Variants in C8orf34 observed in about 807,000 individuals in gnomAD.
C8orf34 encodes chromosome 8 open reading frame 34, also known as uncharacterized protein C8orf34.
C8orf34 carries 65 observed loss-of-function variants against 68.3 expected under a neutral mutation model. The observed-to-expected ratio is 0.95, with a 90% confidence interval of 0.78 to 1.17. C8orf34 has a LOEUF of 1.17. C8orf34 is among the 50% of genes most tolerant of loss of function. The pLI, the probability that C8orf34 is intolerant of heterozygous loss-of-function variation, is 0.00. For missense variants in C8orf34, 664 were observed against 655.4 expected (o/e 1.01, Z -0.14); for synonymous variants, 244 against 241.2 (o/e 1.01, Z -0.11).
In C8orf34 at chr8:68,704,526, C is replaced by A. The variant is rs187661171; in HGVS notation, c.1242-4468C>A. ...AGACTCAAATGACTTACGAAGGAAG[C>A]CATAACTCATCTTGTAGGTAATGAG... On this transcript the variant is annotated intron_variant, in intron 8 of 13. Transcript: ENST00000518698. 1.3e-3 allele frequency among the ~76,000 whole-genome samples: 192 copies of A among 152,120 alleles called. 2 individuals are homozygous for A. The highest frequency in any genetic ancestry group is 4.5e-3 in the African/African-American group (186 of 41,498).
intron 10 of C8orf34, among the ~76,000 whole-genome samples, chr8:68,755,746 C>T (rs1208828842): frequency 9.9e-5 from 15 of 152,100 alleles, no homozygotes; most frequent in Non-Finnish European, 2.2e-4. Context: ...ACTTCGTGTA[C>T]AAATATATTT....
intron 12 of C8orf34, among the ~76,000 whole-genome samples, chr8:68,808,043 G>C: frequency 6.6e-6 from 1 of 152,136 alleles, no homozygotes; most frequent in East Asian, 1.9e-4. Flanking sequence ...AGCCTCTCAG[G>C]AGTCTCTCTG....
At position 68,573,453 on chromosome 8, in the gene C8orf34, T is replaced by C. The variant is rs564200038; in HGVS notation, c.1105+40304T>C. On this transcript the variant is annotated intron_variant, in intron 7 of 13. Transcript: ENST00000518698. ...TCCAGTCTGCAGCTTAGAGCCAGGC[T>C]CCCAGCTATGCCCAACTGAGATCAG... Among the ~76,000 whole-genome samples, 3 of 152,268 alleles carry C rather than the reference T, an allele frequency of 2.0e-5. No individual in the cohort carries two copies. The East Asian group carries it at 5.8e-4, about 29-fold the overall frequency.
At position 68,525,418 on chromosome 8, in the gene C8orf34, T is replaced by C. The variant is rs539102975; in HGVS notation, c.938+3447T>C. On this transcript the variant is annotated intron_variant, in intron 6 of 13. Coordinates refer to ENST00000518698, the MANE Select transcript of C8orf34 (RefSeq NM_052958.4). ...CACAAAAATTATACCTCATAACTTA[T>C]AAATTTCTTAATTTCTTTTTTAGTA... The C allele has an allele frequency of 9.8e-6, 4 of 406,436 alleles. No homozygotes were observed. In the South Asian group the frequency reaches 1.7e-4, roughly 18 times the overall value. The allele number at this position is 406,436 out of a possible 1,614,324, so 25.2% of individuals were successfully genotyped here. A position where few individuals can be genotyped will look rare whatever the true frequency, so the allele number is the denominator to read the frequency against.
chr8:68,673,712 A>T (rs977171767), intron 8 of C8orf34, among the ~76,000 whole-genome samples: 7 of 151,834 alleles, frequency 4.6e-5, no homozygotes, highest in African/African-American at 1.5e-4. Flanking sequence ...GTAACTCATC[A>T]CCCTAAAGGG....
intron 5 of C8orf34, among the ~76,000 whole-genome samples, chr8:68,489,795 A>G (rs1813233598): frequency 6.6e-6 from 1 of 152,232 alleles, no homozygotes; most frequent in Non-Finnish European, 1.5e-5. Context: ...TTATTTTTAC[A>G]AAAACCACAA....
At chr8:68,381,105 CTTCAGTG>C (rs1808011485) in intron 1 of C8orf34, among the ~76,000 whole-genome samples, 1 of 152,118 alleles carries the variant, frequency 6.6e-6, no homozygotes, top group African/African-American at 2.4e-5. Flanking sequence ...TGAAGGAATA[CTTCAGTG>C]TTCAGTATTT....
chr8:68,818,406 G>T lies in C8orf34; in HGVS notation c.*160G>T. The T allele has an allele frequency of 1.3e-6, 1 of 766,374 alleles. No homozygotes were observed. The highest frequency in any genetic ancestry group is 2.1e-6 in the Non-Finnish European group (1 of 470,210). The allele number at this position is 766,374 out of a possible 1,614,324, so 47.5% of individuals were successfully genotyped here. ...ACTATCGTAGCCAGGGGGTGCCCAA[G>T]TATGTAATCAGAGAACACTAATCCT... On this transcript the variant is annotated 3_prime_UTR_variant, in exon 14 of 14. Coordinates refer to ENST00000518698, the MANE Select transcript of C8orf34 (RefSeq NM_052958.4).
chr8:68,749,447 A>G (rs184096241), intron 10 of C8orf34, among the ~76,000 whole-genome samples: 457 of 152,248 alleles, frequency 3.0e-3, no homozygotes, highest in Admixed American at 6.8e-3. Flanking sequence ...GCACAAAATA[A>G]AAGCAAATAA....
intron 3 of C8orf34, chr8:68,447,879 T>A (rs1402951965): frequency 6.6e-6 from 1 of 152,216 alleles, no homozygotes; most frequent in African/African-American, 2.4e-5. Flanking sequence ...GTCCCAACAT[T>A]TTAAAAAATA....
chr8:68,406,655 C>A (rs1422703494), intron 1 of C8orf34, among the ~76,000 whole-genome samples: 1 of 151,828 alleles, frequency 6.6e-6, no homozygotes, highest in Non-Finnish European at 1.5e-5. Context: ...GCCACCACAC[C>A]CAGGTAATTT....
At chr8:68,375,754 TAGTC>T (rs1454744525) in intron 1 of C8orf34, among the ~76,000 whole-genome samples, 1 of 152,226 alleles carries the variant, frequency 6.6e-6, no homozygotes, top group Non-Finnish European at 1.5e-5. Context: ...CTCTAGCAAT[TAGTC>T]AGCATTTATT....
chr8:68,810,766 C>T (rs1824626618), intron 12 of C8orf34, among the ~76,000 whole-genome samples: 1 of 152,190 alleles, frequency 6.6e-6, no homozygotes, highest in South Asian at 2.1e-4. Context: ...CAGCTCTCGC[C>T]TGAGAGGAGA....
chr8:68,400,708 G>A (rs1469848828), intron 1 of C8orf34, among the ~76,000 whole-genome samples: 1 of 152,054 alleles, frequency 6.6e-6, no homozygotes, highest in Non-Finnish European at 1.5e-5. Flanking sequence ...CTACAAGTGT[G>A]CACCACCATG....
intron 5 of C8orf34, among the ~76,000 whole-genome samples, chr8:68,499,582 C>T (rs769834463): frequency 9.2e-5 from 14 of 152,026 alleles, no homozygotes; most frequent in African/African-American, 2.2e-4. Flanking sequence ...AATTGGCAAC[C>T]GTCATAGTAG....
chr8:68,620,040 T>G (rs1279943659), intron 7 of C8orf34, among the ~76,000 whole-genome samples: 1 of 152,150 alleles, frequency 6.6e-6, no homozygotes, highest in African/African-American at 2.4e-5. Flanking sequence ...TCAGACTGAT[T>G]GATGGAAAAT....
chr8:68,330,939 T>G, upstream of C8orf34: 1 of 1,184,346 alleles, frequency 8.4e-7, no homozygotes, highest in Non-Finnish European at 1.1e-6. Context: ...AAGGAACCTC[T>G]GCCTCGAATT....
intron 7 of C8orf34, among the ~76,000 whole-genome samples, chr8:68,629,580 C>CAATT (rs1184510025): frequency 3.3e-5 from 5 of 151,988 alleles, no homozygotes; most frequent in Non-Finnish European, 5.9e-5. Flanking sequence ...ATCAGATGAT[C>CAATT]AATTAATTAA....
intron 8 of C8orf34, among the ~76,000 whole-genome samples, chr8:68,653,960 G>A (rs1819438559): frequency 6.6e-6 from 1 of 152,040 alleles, no homozygotes; most frequent in Admixed American, 6.6e-5. Flanking sequence ...TTTCAGCACT[G>A]TCTGGTCCAA....
Sources: allele counts gnomAD v4.1 joint callset (sites outside exome capture counted in the v4.1 genomes callset), GRCh38; gene constraint gnomAD v4.1.1; transcripts MANE v1.5; gene names NCBI Gene and HGNC (gene_info 2026-07-23, HGNC 2026-07-21).